The following CASP10 variants were observed in gnomAD, a reference collection of about 807,000 sequenced individuals.
The protein encoded by CASP10 is caspase 10.
A neutral mutation model predicts 48.5 loss-of-function variants in CASP10; 41 were observed. That is an observed-to-expected ratio of 0.85 (90% CI 0.66 to 1.10). CASP10 has a LOEUF of 1.10. Ranked by LOEUF, CASP10 falls within the 50% of genes least tolerant of loss-of-function variation. The pLI is 0.00. For synonymous variants in CASP10, 232 were observed against 238.4 expected (o/e 0.97, Z 0.25); for missense variants, 614 against 614.5 (o/e 1.00, Z 0.01).
At position 201,209,332 on chromosome 2, in the gene CASP10, C is replaced by G. The variant is rs1219746358; in HGVS notation, c.1185C>G (p.Leu395=). Reference sequence around the variant, plus strand: ...CTAGACTGGCTGAAAAACCTAAACTCTTTTTCATCCAGGCCTGCCAAGGTG... The same window carrying G: ...CTAGACTGGCTGAAAAACCTAAACTGTTTTTCATCCAGGCCTGCCAAGGTG... ...QCPRLAEKPK[L]FFIQACQGEE... The change falls in exon 9 of 10, where the codon CTC becomes CTG. Residue 395 remains leucine, a synonymous_variant. Coordinates refer to ENST00000286186, the MANE Select transcript of CASP10 (RefSeq NM_032977.4). The G allele has an allele frequency of 1.2e-6, 2 of 1,614,042 alleles. No individual in the cohort carries two copies. The highest frequency in any genetic ancestry group is 1.7e-6 in the Non-Finnish European group (2 of 1,180,038).
chr2:201,198,920 T>C (rs1198179295), intron 5 of CASP10, among the ~76,000 whole-genome samples: 1 of 152,220 alleles, frequency 6.6e-6, no homozygotes, highest in East Asian at 1.9e-4. Flanking sequence ...AATTTTTAGA[T>C]TTAAAAATAA....
chr2:201,191,999 T>C (rs528683436), intron 3 of CASP10, among the ~76,000 whole-genome samples: 75 of 152,358 alleles, frequency 4.9e-4, no homozygotes, highest in African/African-American at 1.7e-3. Context: ...GTGTGTGATG[T>C]ACTAAACATC....
intron 1 of CASP10, among the ~76,000 whole-genome samples, chr2:201,184,063 T>G (rs532872555): frequency 6.6e-6 from 1 of 152,098 alleles, no homozygotes; most frequent in Admixed American, 6.5e-5. Flanking sequence ...GCCCAGCTAA[T>G]TTTTGTATTT....
chr2:201,185,830 T>A lies in CASP10; in HGVS notation c.53T>A (p.Val18Glu). 6.2e-7 allele frequency: 1 copy of A among 1,614,152 alleles called. No individual in the cohort carries two copies. The highest frequency in any genetic ancestry group is 2.2e-5 in the East Asian group (1 of 44,880). Residue 18 changes from valine to glutamate, a missense_variant, in exon 2 of 10, where the codon GTG (valine) becomes GAG (glutamate). Transcript: ENST00000286186. The part of the protein sequence containing the change: ...WYSSSDKNCK[V>E]SFREKLLIID... The stretch of plus-strand genomic sequence containing the variant: ...TCCAGTTCAGATAAAAACTGTAAAG[T>A]GAGCTTTCGTGAGAAGCTTCTGATT...
intron 9 of CASP10, among the ~76,000 whole-genome samples, chr2:201,216,221 T>C (rs1235881169): frequency 1.3e-5 from 2 of 151,482 alleles, no homozygotes; most frequent in Non-Finnish European, 2.9e-5. Flanking sequence ...AAGAAAAAAT[T>C]AGCCAGGTGT....
In CASP10 at chr2:201,209,185, C is replaced by T. The variant is rs745897610; in HGVS notation, c.1038C>T (p.Ala346=). The T allele has an allele frequency of 3.3e-5, 54 of 1,612,510 alleles. No individual in the cohort carries two copies. The highest frequency in any genetic ancestry group is 2.2e-4 in the Admixed American group (13 of 59,914). ...LQKQKCNPAH[A]DGDCFVFCIL... ...AGCAGAAGTGCAATCCAGCCCATGC[C>T]GACGGGGACTGCTTCGTGTTCTGTA... Residue 346 remains alanine (A), a synonymous_variant, in exon 9 of 10, where the codon GCC becomes GCT. Transcript: ENST00000286186.
In CASP10 at chr2:201,219,354, A is replaced by C; in HGVS notation, c.*1613A>C. ...TCAAATTGACTGAAGCAAAGAAGGG[A>C]ATTTATTGCCTCTTTCACATTGAAA... On this transcript the variant is annotated 3_prime_UTR_variant, in exon 10 of 10. Transcript: ENST00000286186. The C allele has an allele frequency of 8.2e-6, 6 of 730,556 alleles. No individual in the cohort carries two copies. Among genetic ancestry groups the C allele is most frequent in the Non-Finnish European group, 1.0e-5 (6 of 597,518 alleles). The allele number at this position is 730,556 out of a possible 1,614,324, so 45.3% of individuals were successfully genotyped here.
downstream of CASP10, among the ~76,000 whole-genome samples, chr2:201,222,426 A>G (rs1230400635): frequency 3.9e-5 from 6 of 152,164 alleles, no homozygotes; most frequent in Non-Finnish European, 7.3e-5. Flanking sequence ...CATTTTGGCC[A>G]GGCTGGTCTC....
Position 201,209,052 on chromosome 2 carries a change from TTTTTTG to T in CASP10, c.923-12_923-7del. ...CTCTCTCTCTCTCTCTTTTTTTTTTTTTTTTGTTTTTAAACAGAGATCCTGAGTCAT... is the reference window on the plus strand; with the variant it reads ...CTCTCTCTCTCTCTCTTTTTTTTTTTTTTTTAAACAGAGATCCTGAGTCAT... On this transcript the variant is annotated splice_polypyrimidine_tract_variant and intron_variant, in intron 8 of 9. Coordinates refer to ENST00000286186, the MANE Select transcript of CASP10 (RefSeq NM_032977.4). 1 of 1,603,330 alleles carries T rather than the reference TTTTTTG, an allele frequency of 6.2e-7. No homozygotes were observed. The highest frequency in any genetic ancestry group is 8.5e-7 in the Non-Finnish European group (1 of 1,176,316).
intron 8 of CASP10, 167 bp downstream of exon 8, chr2:201,208,350 G>T: frequency 2.0e-6 from 2 of 985,308 alleles, no homozygotes; most frequent in African/African-American, 3.5e-5. Context: ...CTGCTAAAGA[G>T]TGGCAAGAAT....
At chr2:201,206,012 A>C (rs6712872) in intron 7 of CASP10, 39 bp downstream of exon 7, 1 of 1,290,746 alleles carries the variant, frequency 7.7e-7, no homozygotes, top group Non-Finnish European at 1.1e-6. Flanking sequence ...TAATAAAAAA[A>C]TTTTTTTTCC....
At chr2:201,206,005 T>C in intron 7 of CASP10, 32 bp downstream of exon 7, 1 of 1,425,162 alleles carries the variant, frequency 7.0e-7, no homozygotes, top group Non-Finnish European at 9.8e-7. Context: ...CCTTTTTTAA[T>C]AAAAAAATTT....
rs1255143367 is a variant in CASP10 at position 201,193,028 on chromosome 2, A to G, written c.486A>G (p.Ile162Met). 1.2e-6 allele frequency: 2 copies of G among 1,613,770 alleles called. No individual in the cohort carries two copies. The highest frequency in any genetic ancestry group is 8.5e-7 in the Non-Finnish European group (1 of 1,179,688). ...FLAFLEKQGK[I>M]DEDNLTCLED... Reference sequence around the variant, plus strand: ...CATTTCTAGAGAAACAAGGTAAAATAGATGAAGATAATCTGACATGCCTGG... The same window carrying G: ...CATTTCTAGAGAAACAAGGTAAAATGGATGAAGATAATCTGACATGCCTGG... The change falls in exon 4 of 10, where the codon ATA becomes ATG. Residue 162 changes from isoleucine to methionine, a missense_variant. Coordinates refer to ENST00000286186, the MANE Select transcript of CASP10 (RefSeq NM_032977.4).
chr2:201,192,704 A>G (rs1944652552), intron 3 of CASP10, among the ~76,000 whole-genome samples: 1 of 152,176 alleles, frequency 6.6e-6, no homozygotes, highest in Admixed American at 6.6e-5. Context: ...GTGGATTATA[A>G]TAATATCTAC....
At position 201,218,386 on chromosome 2, in the gene CASP10, T is replaced by G. The variant is rs1381682787; in HGVS notation, c.*645T>G. On this transcript the variant is annotated 3_prime_UTR_variant, in exon 10 of 10. Coordinates refer to ENST00000286186, the MANE Select transcript of CASP10 (RefSeq NM_032977.4). ...GGTGGGATCACTGTTCACTGCAGCC[T>G]TGACCTCCCAGGTTCAAGCGATCCT... The G allele has an allele frequency of 7.5e-6, 7 of 933,108 alleles. No homozygotes were observed. Among genetic ancestry groups the G allele is most frequent in the Non-Finnish European group, 9.0e-6 (7 of 782,010 alleles). 57.8% of individuals were successfully genotyped at this position (933,108 alleles called of 1,614,324 possible). A position where few individuals can be genotyped will look rare whatever the true frequency, so the allele number is the denominator to read the frequency against.
At position 201,209,548 on chromosome 2, in the gene CASP10, GA is replaced by G. The variant is rs1945328553; in HGVS notation, c.1404del (p.Lys468AsnfsTer20). ...TTCAGTCTCTGTGTAATCATCTGAA[GA>G]AATTGGTCCCAAGGTGAGAGCTCTT... ...YIQSLCNHLK[K>X]LVPRHEDILS... On this transcript the variant is annotated frameshift_variant, in exon 9 of 10. Transcript: ENST00000286186. LOFTEE classifies it low-confidence loss of function (END_TRUNC). 1.2e-6 allele frequency: 2 copies of G among 1,608,430 alleles called. No homozygotes were observed. Among genetic ancestry groups the G allele is most frequent in the African/African-American group, 2.7e-5 (2 of 74,432 alleles).
chr2:201,188,469 C>T (rs1353832642), intron 3 of CASP10, among the ~76,000 whole-genome samples: 3 of 152,178 alleles, frequency 2.0e-5, no homozygotes, highest in East Asian at 1.9e-4. Context: ...TGTGAGTCAC[C>T]GCACCTGGCC....
rs1024539555 is a variant in CASP10 at position 201,216,696 on chromosome 2, C to T, written c.1416-892C>T. Among the ~76,000 whole-genome samples, 6 of 152,046 alleles carry T rather than the reference C, an allele frequency of 3.9e-5. No homozygotes were observed. In the East Asian group the frequency reaches 5.8e-4, roughly 15 times the overall value. Reference sequence around the variant, plus strand: ...CCCAATATACATCCTTTAATGCTCTCGGCAACCCCTAAGATGGGGACTGTT... The same window carrying T: ...CCCAATATACATCCTTTAATGCTCTTGGCAACCCCTAAGATGGGGACTGTT... On this transcript the variant is annotated intron_variant, in intron 9 of 9. Transcript: ENST00000286186.
chr2:201,185,675 A>G, intron 1 of CASP10, 96 bp from the exon 2 acceptor site: 1 of 821,538 alleles, frequency 1.2e-6, no homozygotes, highest in South Asian at 1.4e-5. Flanking sequence ...TAATGCCCAG[A>G]ACGGAGAAGG....
Sources: gnomAD v4.1 joint callset for allele counts (sites outside exome capture counted in the v4.1 genomes callset) on GRCh38, gnomAD v4.1.1 for gene constraint, MANE v1.5 for transcripts, NCBI Gene and HGNC (gene_info 2026-07-23, HGNC 2026-07-21) for gene names.